MPRIP: variants seen among roughly 807,000 people sequenced by gnomAD.
The protein encoded by MPRIP is myosin phosphatase Rho-interacting protein.
MPRIP carries 59 observed loss-of-function variants against 234.9 expected under a neutral mutation model. The ratio of observed to expected loss-of-function variants is 0.25; its 90% CI spans 0.20 to 0.31. The LOEUF is 0.31. MPRIP is among the 10% of genes least tolerant of loss of function. The pLI is 1.00. For missense variants in MPRIP, 2,436 were observed against 3,071.0 expected, an observed-to-expected ratio of 0.79 and a Z score of 4.89; for synonymous variants, 1,144 against 1,263.9, an observed-to-expected ratio of 0.91 and a Z score of 2.01.
At chr17:17,081,418 GC>G (rs2089459722) in intron 3 of MPRIP, among the ~76,000 whole-genome samples, 1 of 152,214 alleles carries the variant, frequency 6.6e-6, no homozygotes, top group Admixed American at 6.5e-5. Context: ...TTAAGACAGG[GC>G]GGGTAGGAAA....
chr17:17,052,186 G>A (rs1324005298), intron 1 of MPRIP, among the ~76,000 whole-genome samples: 3 of 152,322 alleles, frequency 2.0e-5, no homozygotes, highest in Admixed American at 6.5e-5. Flanking sequence ...TGAGGCTCCC[G>A]TGCCAGAGTC....
At chr17:17,153,262 C>T (rs1387614970) in intron 12 of MPRIP, among the ~76,000 whole-genome samples, 1 of 152,166 alleles carries the variant, frequency 6.6e-6, no homozygotes, top group African/African-American at 2.4e-5. Flanking sequence ...GTTTTGGCTT[C>T]TGGCCAGGCC....
chr17:17,182,244 A>G lies in MPRIP; in HGVS notation c.7206+2156A>G, dbSNP rs533243421. ...TCTCAGTGGTGTTTTTTGATGTGGC[A>G]TCTGATGTGCACTGATCTGTGTCTT... is the stretch of plus-strand genomic sequence containing the variant. On this transcript the variant is annotated intron_variant, in intron 23 of 23. Transcript: ENST00000651222. 4 of 152,336 alleles carry G rather than the reference A, an allele frequency of 2.6e-5. No individual in the cohort carries two copies. The South Asian group carries it at 6.2e-4, about 24-fold the overall frequency. 9.4% of individuals were successfully genotyped at this position (152,336 alleles called of 1,614,324 possible).
At chr17:17,153,774 C>T (rs138798713) in intron 12 of MPRIP, among the ~76,000 whole-genome samples, 29 of 152,234 alleles carry the variant, frequency 1.9e-4, no homozygotes, top group African/African-American at 5.8e-4. Context: ...CAGCAGGTCT[C>T]CCTGCCTTTT....
Position 17,053,258 on chromosome 17 carries a change from C to T in MPRIP, c.123+10287C>T, listed in dbSNP as rs182565001. ...CAGATTTGAGTTTCCATTCTAGCTC[C>T]ATTTTCCATGCTAATGGAGCAAGTT... On this transcript the variant is annotated intron_variant, in intron 1 of 23. Transcript: ENST00000651222. Among the ~76,000 whole-genome samples, 703 of 152,204 alleles carry T rather than the reference C, an allele frequency of 4.6e-3. 11 individuals are homozygous for T. Among genetic ancestry groups the T allele is most frequent in the Non-Finnish European group, 4.3e-3 (293 of 68,022 alleles).
intron 4 of MPRIP, among the ~76,000 whole-genome samples, chr17:17,127,182 C>T (rs985346980): frequency 3.9e-5 from 6 of 152,234 alleles, no homozygotes; most frequent in South Asian, 2.1e-4. Context: ...GACCTGGGCA[C>T]GCCCTCCCCC....
chr17:17,084,815 C>T (rs1310410954), intron 3 of MPRIP, among the ~76,000 whole-genome samples: 9 of 152,170 alleles, frequency 5.9e-5, no homozygotes, highest in South Asian at 4.1e-4. Context: ...AGGCCTGCAA[C>T]GCTGTAGGGT....
At chr17:17,139,160 C>T (rs1158199058) in intron 7 of MPRIP, among the ~76,000 whole-genome samples, 1 of 152,324 alleles carries the variant, frequency 6.6e-6, no homozygotes, top group East Asian at 1.9e-4. Context: ...CCTGCCCTGC[C>T]CTTGTTCTCC....
At chr17:17,056,414 T>C (rs555497306) in intron 1 of MPRIP, among the ~76,000 whole-genome samples, 6 of 152,212 alleles carry the variant, frequency 3.9e-5, no homozygotes, top group Admixed American at 2.0e-4. Flanking sequence ...TTTTAAAATG[T>C]CACTTTCCCC....
At position 17,167,699 on chromosome 17, in the gene MPRIP, C is replaced by T; in HGVS notation, c.6108C>T (p.Cys2036=). The stretch of plus-strand genomic sequence containing the variant: ...TGAGGTGCCTTCAGGACACCCTCTG[C>T]CTCCACCAGGGGCCACACCCCAAGG... ...QSLRCLQDTL[C]LHQGPHPKAL... Residue 2036 remains cysteine (C), a synonymous_variant, in exon 16 of 24, where the codon TGC becomes TGT. Coordinates refer to ENST00000651222, the MANE Select transcript of MPRIP (RefSeq NM_001364716.4). The surrounding 1 kb of genome is among the most constrained non-coding windows in gnomAD (Gnocchi z 5.9). 7.7e-7 allele frequency: 1 copy of T among 1,304,182 alleles called. No individual in the cohort carries two copies. Among genetic ancestry groups the T allele is most frequent in the East Asian group, 5.6e-5 (1 of 18,010 alleles). The allele number at this position is 1,304,182 out of a possible 1,614,324, so 80.8% of individuals were successfully genotyped here. A position where few individuals can be genotyped will look rare whatever the true frequency, so the allele number is the denominator to read the frequency against.
In MPRIP at chr17:17,052,039, C is replaced by T. The variant is rs185780485; in HGVS notation, c.123+9068C>T. 3.1e-3 allele frequency among the ~76,000 whole-genome samples: 470 copies of T among 152,354 alleles called. 10 individuals carry two copies. The highest frequency in any genetic ancestry group is 0.027 in the Admixed American group (420 of 15,300). The stretch of plus-strand genomic sequence containing the variant: ...GTGATTTCACACAGACCTCAGCAGG[C>T]AAGGGTGGCCAGCAGGGCTGGTGGC... On this transcript the variant is annotated intron_variant, in intron 1 of 23. Coordinates refer to ENST00000651222, the MANE Select transcript of MPRIP (RefSeq NM_001364716.4).
intron 1 of MPRIP, among the ~76,000 whole-genome samples, chr17:17,070,556 G>A (rs1244682644): frequency 6.6e-6 from 1 of 152,140 alleles, no homozygotes; most frequent in African/African-American, 2.4e-5. Flanking sequence ...GCCCACCCGG[G>A]AGCTTTTATT....
intron 1 of MPRIP, among the ~76,000 whole-genome samples, chr17:17,052,490 T>C (rs1345668913): frequency 6.6e-6 from 1 of 151,778 alleles, no homozygotes; most frequent in Non-Finnish European, 1.5e-5. Flanking sequence ...CGCCGAGACC[T>C]GGAGAGGTTC....
rs1597544285 is a variant in MPRIP, at chr17:17,188,047, G to A, written c.*3153G>A. ...CTGCAGGCTTGTGGGTAATTACCTT[G>A]TGTGCACGCCTGCACGTGCAGAATA... is the stretch of plus-strand genomic sequence containing the variant. On this transcript the variant is annotated 3_prime_UTR_variant, in exon 24 of 24. Coordinates refer to ENST00000651222, the MANE Select transcript of MPRIP (RefSeq NM_001364716.4). 1 of 152,250 alleles carries A rather than the reference G, an allele frequency of 6.6e-6. No individual in the cohort carries two copies. The highest frequency in any genetic ancestry group is 2.4e-5 in the African/African-American group (1 of 41,466). The allele number at this position is 152,250 out of a possible 1,614,324, so 9.4% of individuals were successfully genotyped here.
intron 3 of MPRIP, among the ~76,000 whole-genome samples, chr17:17,116,999 G>A (rs553230214): frequency 6.6e-6 from 1 of 152,276 alleles, no homozygotes; most frequent in South Asian, 2.1e-4. Context: ...GATGGCCATG[G>A]TCTCTGAGTA....
At chr17:17,137,147 C>T (rs1003038304) in intron 6 of MPRIP, among the ~76,000 whole-genome samples, 8 of 152,200 alleles carry the variant, frequency 5.3e-5, no homozygotes, top group African/African-American at 1.9e-4. Flanking sequence ...CAGGCCTATC[C>T]ATTCAAAAAT....
chr17:17,185,085 C>T lies in MPRIP; in HGVS notation c.*191C>T. Reference sequence around the variant, plus strand: ...ACACCACTCTCTGCTGTGTTGACTTCCTGTTGTCTTCATCAAAGCTTTTTT... The same window carrying T: ...ACACCACTCTCTGCTGTGTTGACTTTCTGTTGTCTTCATCAAAGCTTTTTT... On this transcript the variant is annotated 3_prime_UTR_variant, in exon 24 of 24. Coordinates refer to ENST00000651222, the MANE Select transcript of MPRIP (RefSeq NM_001364716.4). 2.1e-6 allele frequency: 1 copy of T among 472,690 alleles called. No homozygotes were observed. The highest frequency in any genetic ancestry group is 2.3e-5 in the South Asian group (1 of 43,892). The allele number at this position is 472,690 out of a possible 1,614,324, so 29.3% of individuals were successfully genotyped here.
chr17:17,160,861 C>T (rs538589879), intron 14 of MPRIP, among the ~76,000 whole-genome samples: 1 of 152,148 alleles, frequency 6.6e-6, no homozygotes. Context: ...GATGCAAAAC[C>T]CTTGTTCCCC....
chr17:17,147,168 C>T, intron 10 of MPRIP, 151 bp from the exon 11 acceptor site: 1 of 717,804 alleles, frequency 1.4e-6, no homozygotes. Context: ...GCAGAGTCCT[C>T]TGTATGCTGT....
Sources: allele counts gnomAD v4.1 joint callset (sites outside exome capture counted in the v4.1 genomes callset), GRCh38; gene constraint gnomAD v4.1.1; non-coding constraint Gnocchi (gnomAD v3.1); transcripts MANE v1.5; gene names NCBI Gene and HGNC (gene_info 2026-07-23, HGNC 2026-07-21).